The following CRIM1 variants were observed in gnomAD, a reference collection of about 807,000 sequenced individuals.
CRIM1 encodes the protein cysteine-rich motor neuron 1 protein.
Under a neutral mutation model 116.4 loss-of-function variants are expected in CRIM1, and 32 were observed. The ratio of observed to expected loss-of-function variants is 0.27; its 90% confidence interval spans 0.21 to 0.37. The LOEUF (loss-of-function observed/expected upper bound fraction) is 0.37, where lower values mean the gene tolerates loss of function less well. Among genes scored for constraint, CRIM1 ranks in the 10% least tolerant of loss-of-function variants. The pLI is 1.00. For synonymous variants in CRIM1, 590 were observed against 509.2 expected (o/e 1.16, Z -2.13); for missense variants, 1,331 against 1,354.8 (o/e 0.98, Z 0.28).
intron 4 of CRIM1, among the ~76,000 whole-genome samples, chr2:36,443,372 C>T (rs1676006680): frequency 6.6e-6 from 1 of 152,146 alleles, no homozygotes; most frequent in African/African-American, 2.4e-5. Flanking sequence ...CTACAAAGCA[C>T]CACCATAGAG....
At chr2:36,378,796 G>GT (rs147088912) in intron 1 of CRIM1, 28,151 of 126,680 alleles carry the variant, frequency 0.22, 3,516 homozygotes, top group Non-Finnish European at 0.29. Context: ...GAGTTTTTTT[G>GT]TTGTTTTCGG....
In CRIM1 at chr2:36,544,331, ACAGCAGCTT is replaced by A. The variant is rs150730032; in HGVS notation, c.2624-42_2624-34del. 2,993 of 1,317,842 alleles carry A rather than the reference ACAGCAGCTT, an allele frequency of 2.3e-3. 53 individuals carry two copies. The African/African-American group carries it at 0.042, about 18-fold the overall frequency. 81.6% of individuals were successfully genotyped at this position (1,317,842 alleles called of 1,614,324 possible). A position where few individuals can be genotyped will look rare whatever the true frequency, so the allele number is the denominator to read the frequency against. On this transcript the variant is annotated intron_variant, in intron 14 of 16. Coordinates refer to ENST00000280527, the MANE Select transcript of CRIM1 (RefSeq NM_016441.3). The stretch of plus-strand genomic sequence containing the variant: ...GATTGAGAATACAAAAGCCAACAAT[ACAGCAGCTT>A]CATCATCTCTTAGGAAAAATGTTCC...
At chr2:36,393,479 CTATA>C (rs1233580943) in intron 1 of CRIM1, among the ~76,000 whole-genome samples, 2 of 151,790 alleles carry the variant, frequency 1.3e-5, no homozygotes, top group Non-Finnish European at 2.9e-5. Context: ...ATATGTGTGT[CTATA>C]TACACATATA....
rs949876567 is a variant in CRIM1, at chr2:36,550,816, T to G, written c.*2115T>G. ...CATAAAAAGTCTTTATCAAAAAAAA[T>G]TGTAGATGCTTGCTTTTTGTTTTTT... On this transcript the variant is annotated 3_prime_UTR_variant, in exon 17 of 17. Coordinates refer to ENST00000280527, the MANE Select transcript of CRIM1 (RefSeq NM_016441.3). 1 of 152,456 alleles carries G rather than the reference T, an allele frequency of 6.6e-6. No homozygotes were observed. Among genetic ancestry groups the G allele is most frequent in the Non-Finnish European group, 1.5e-5 (1 of 67,990 alleles). 9.4% of individuals were successfully genotyped at this position (152,456 alleles called of 1,614,324 possible).
At chr2:36,411,686 A>G (rs1395328443) in intron 2 of CRIM1, among the ~76,000 whole-genome samples, 1 of 114,566 alleles carries the variant, frequency 8.7e-6, no homozygotes, top group African/African-American at 3.3e-5. Context: ...GTGTGTGTGT[A>G]CAGTTACCTG....
chr2:36,448,149 C>A (rs1295366515), intron 4 of CRIM1, among the ~76,000 whole-genome samples: 1 of 152,232 alleles, frequency 6.6e-6, no homozygotes, highest in Non-Finnish European at 1.5e-5. Flanking sequence ...GGGAATGCTA[C>A]TTTGGGATAC....
intron 9 of CRIM1, among the ~76,000 whole-genome samples, chr2:36,510,507 T>C (rs1664588211): frequency 6.6e-6 from 1 of 152,202 alleles, no homozygotes; most frequent in Non-Finnish European, 1.5e-5. Context: ...TGTGATCATT[T>C]ATTTAACACA....
At chr2:36,487,709 G>A (rs913735141) in intron 7 of CRIM1, among the ~76,000 whole-genome samples, 5 of 152,054 alleles carry the variant, frequency 3.3e-5, no homozygotes, top group African/African-American at 1.2e-4. Flanking sequence ...ATTTTAACAT[G>A]AACAGCATTT....
intron 2 of CRIM1, among the ~76,000 whole-genome samples, chr2:36,420,426 G>T (rs1194503819): frequency 6.6e-6 from 1 of 152,116 alleles, no homozygotes; most frequent in East Asian, 1.9e-4. Flanking sequence ...TTTCATTCTG[G>T]ATCTCCTATT....
chr2:36,537,302 G>C, intron 13 of CRIM1, 50 bp from the exon 14 acceptor site: 3 of 1,514,294 alleles, frequency 2.0e-6, no homozygotes, highest in Non-Finnish European at 2.7e-6. Flanking sequence ...TAATAAGATC[G>C]TGTGCGTTGT....
At chr2:36,396,416 G>A (rs1178577291) in intron 1 of CRIM1, among the ~76,000 whole-genome samples, 198 bp from the exon 2 acceptor site, 1 of 152,090 alleles carries the variant, frequency 6.6e-6, no homozygotes, top group Non-Finnish European at 1.5e-5. Flanking sequence ...CTACATGGAT[G>A]GCTATTATTT....
intron 4 of CRIM1, among the ~76,000 whole-genome samples, chr2:36,454,588 C>T (rs1312621136): frequency 6.6e-6 from 1 of 152,218 alleles, no homozygotes; most frequent in East Asian, 1.9e-4. Flanking sequence ...GGTTGAATCA[C>T]AGTTTGCAGT....
At chr2:36,487,431 C>G (rs538042605) in intron 7 of CRIM1, among the ~76,000 whole-genome samples, 2 of 152,218 alleles carry the variant, frequency 1.3e-5, no homozygotes, top group South Asian at 4.1e-4. Context: ...TTTGGTGCCT[C>G]TCTTTTGAAA....
intron 7 of CRIM1, among the ~76,000 whole-genome samples, chr2:36,484,347 A>G (rs1163583966): frequency 2.0e-5 from 3 of 152,092 alleles, no homozygotes; most frequent in East Asian, 1.9e-4. Context: ...TTTTTTTTCA[A>G]TAATAGCAAG....
rs753638084 is a variant in CRIM1 at position 36,356,646 on chromosome 2, C to A, written c.331+23C>A. ...AAGGTACGGCCGCCCGCTGCGGGCCCCCTCCCACCTGGCCTGCGCCGCCCC... is the reference window on the plus strand; with the variant it reads ...AAGGTACGGCCGCCCGCTGCGGGCCACCTCCCACCTGGCCTGCGCCGCCCC... On this transcript the variant is annotated intron_variant, in intron 1 of 16. Transcript: ENST00000280527. This position sits in a 1 kb window ranked among gnomAD's most constrained non-coding sequence, Gnocchi z 4.3. 7 of 1,593,682 alleles carry A rather than the reference C, an allele frequency of 4.4e-6. No individual in the cohort carries two copies. The highest frequency in any genetic ancestry group is 1.3e-5 in the African/African-American group (1 of 74,688).
intron 1 of CRIM1, among the ~76,000 whole-genome samples, chr2:36,361,925 T>C (rs1294302683): frequency 6.6e-6 from 1 of 152,154 alleles, no homozygotes; most frequent in Non-Finnish European, 1.5e-5. Flanking sequence ...CATTGAAAGC[T>C]TTCCTTCTCA....
At chr2:36,506,157 A>ACACT (rs1397944202) in intron 8 of CRIM1, among the ~76,000 whole-genome samples, 48 of 125,264 alleles carry the variant, frequency 3.8e-4, no homozygotes, top group African/African-American at 1.1e-3. Context: ...ACACACACAC[A>ACACT]CTCTCTCTCT....
chr2:36,537,400 A>T lies in CRIM1; in HGVS notation c.2477A>T (p.Tyr826Phe). 2 of 1,614,256 alleles carry T rather than the reference A, an allele frequency of 1.2e-6. No individual in the cohort carries two copies. Among genetic ancestry groups the T allele is most frequent in the Non-Finnish European group, 1.7e-6 (2 of 1,180,046 alleles). The change falls in exon 14 of 17, where the codon TAT (tyrosine) becomes TTT (phenylalanine). Residue 826 changes from tyrosine (Y) to phenylalanine (F), a missense_variant. Physicochemically the swap from Tyr to Phe is conservative, Grantham distance 22 (BLOSUM62 3). Transcript: ENST00000280527. ...GTGTGCCACTTCAGTGGGAAGGCCT[A>T]TGCCGACGAGGAGCGGTGGGACCTT... ...KVVCHFSGKA[Y>F]ADEERWDLDS...
chr2:36,413,275 C>T (rs956553431), intron 2 of CRIM1, among the ~76,000 whole-genome samples: 38 of 152,320 alleles, frequency 2.5e-4, no homozygotes, highest in Non-Finnish European at 1.5e-5. Context: ...CCACTTACCA[C>T]TTTGAAATAT....
Sources: gnomAD v4.1 joint callset for allele counts (sites outside exome capture counted in the v4.1 genomes callset) on GRCh38, gnomAD v4.1.1 for gene constraint, Gnocchi (gnomAD v3.1) non-coding constraint, MANE v1.5 for transcripts, NCBI Gene and HGNC (gene_info 2026-07-23, HGNC 2026-07-21) for gene names.